Variants in LRP1B observed in about 807,000 individuals in gnomAD.
LRP1B encodes the protein LDL receptor related protein 1B.
In LRP1B, 217 loss-of-function variants were observed where a neutral mutation model predicts 556.6. The ratio of observed to expected loss-of-function variants is 0.39; its 90% confidence interval spans 0.35 to 0.44. The LOEUF (loss-of-function observed/expected upper bound fraction) is 0.44. Ranked by LOEUF, LRP1B falls within the 20% of genes least tolerant of loss-of-function variation. LRP1B has a pLI of 1.00. For synonymous variants in LRP1B, 2,047 were observed against 1,865.8 expected, an observed-to-expected ratio of 1.10 and a Z score of -2.50; for missense variants, 5,053 against 5,620.8, an observed-to-expected ratio of 0.90 and a Z score of 3.23.
At chr2:141,133,069 A>T (rs990877870) in intron 7 of LRP1B, among the ~76,000 whole-genome samples, 1 of 151,990 alleles carries the variant, frequency 6.6e-6, no homozygotes, top group Non-Finnish European at 1.5e-5. Flanking sequence ...TGTTTTTGCT[A>T]TTGTTGCTTT....
At chr2:141,325,844 G>A (rs1687410138) in intron 3 of LRP1B, among the ~76,000 whole-genome samples, 1 of 152,036 alleles carries the variant, frequency 6.6e-6, no homozygotes, top group African/African-American at 2.4e-5. Flanking sequence ...AGCAAAGATT[G>A]AACAGATAAC....
chr2:140,461,298 C>A (rs1028543898), intron 60 of LRP1B, among the ~76,000 whole-genome samples: 13 of 151,998 alleles, frequency 8.6e-5, no homozygotes, highest in Non-Finnish European at 1.9e-4. Context: ...ACGAATGCCC[C>A]AGTTACACCG....
At chr2:141,724,898 A>G (rs1440007765) in intron 2 of LRP1B, among the ~76,000 whole-genome samples, 1 of 152,022 alleles carries the variant, frequency 6.6e-6, no homozygotes, top group African/African-American at 2.4e-5. Flanking sequence ...AAGTTACATT[A>G]AAATCTAAAA....
chr2:140,307,445 A>C (rs1684115889), intron 83 of LRP1B, among the ~76,000 whole-genome samples: 1 of 151,870 alleles, frequency 6.6e-6, no homozygotes, highest in Admixed American at 6.6e-5. Context: ...TGCCCTTGCT[A>C]AGAAGCTTCA....
intron 48 of LRP1B, 21 bp downstream of exon 48, chr2:140,526,216 A>G (rs1690427322): frequency 1.3e-6 from 2 of 1,599,394 alleles, no homozygotes; most frequent in South Asian, 1.1e-5. Context: ...TAAACAGACA[A>G]AAGGTAGTGG....
intron 35 of LRP1B, among the ~76,000 whole-genome samples, chr2:140,730,793 G>T (rs190156902): frequency 6.6e-6 from 1 of 152,066 alleles, no homozygotes; most frequent in Non-Finnish European, 1.5e-5. Flanking sequence ...TCCTGACCTC[G>T]TGATCCGCCT....
At chr2:140,244,550 C>T (rs1209748540) in intron 87 of LRP1B, among the ~76,000 whole-genome samples, 1 of 151,194 alleles carries the variant, frequency 6.6e-6, no homozygotes, top group African/African-American at 2.4e-5. Flanking sequence ...GTTTAAAACT[C>T]TTCAAAATAT....
At chr2:142,105,213 T>C (rs765814449) in intron 1 of LRP1B, among the ~76,000 whole-genome samples, 5 of 152,190 alleles carry the variant, frequency 3.3e-5, no homozygotes, top group South Asian at 4.1e-4. Flanking sequence ...CCAAGGAACG[T>C]TTCATTTTAT....
At chr2:141,555,935 G>A (rs1474185435) in intron 2 of LRP1B, among the ~76,000 whole-genome samples, 2 of 151,540 alleles carry the variant, frequency 1.3e-5, no homozygotes, top group Admixed American at 6.6e-5. Flanking sequence ...ATTTCTGCAG[G>A]GTTTTGTTTT....
intron 2 of LRP1B, among the ~76,000 whole-genome samples, chr2:141,683,526 T>C (rs1490822939): frequency 6.6e-6 from 1 of 152,138 alleles, no homozygotes; most frequent in Admixed American, 6.6e-5. Context: ...TTGTGCCCTA[T>C]GGTTATAAGC....
chr2:140,622,685 G>C (rs1574154175), intron 41 of LRP1B, among the ~76,000 whole-genome samples: 1 of 152,078 alleles, frequency 6.6e-6, no homozygotes, highest in Non-Finnish European at 1.5e-5. Flanking sequence ...AAATCATTCG[G>C]AACAGAAAGA....
chr2:142,031,756 T>A lies in LRP1B; in HGVS notation c.82+98892A>T, dbSNP rs959168318. On this transcript the variant is annotated intron_variant, in intron 1 of 90. Coordinates refer to ENST00000389484, the MANE Select transcript of LRP1B (RefSeq NM_018557.3). ...AGTTTGAATTGTGCCCCTGATTTTATGTGTTGAAATGCTAATCCCCAGTCT... is the reference window on the plus strand; with the variant it reads ...AGTTTGAATTGTGCCCCTGATTTTAAGTGTTGAAATGCTAATCCCCAGTCT... Among the ~76,000 whole-genome samples the A allele has an allele frequency of 5.7e-4, 86 of 151,772 alleles. 1 individual carries two copies. Among genetic ancestry groups the A allele is most frequent in the Non-Finnish European group, 1.0e-3 (69 of 67,866 alleles).
At chr2:140,462,289 C>T (rs1370998505) in intron 60 of LRP1B, among the ~76,000 whole-genome samples, 2 of 152,118 alleles carry the variant, frequency 1.3e-5, no homozygotes, top group Non-Finnish European at 2.9e-5. Context: ...TTAATCCCTT[C>T]CAATCTCTTT....
At chr2:141,761,456 T>C (rs1694544422) in intron 2 of LRP1B, among the ~76,000 whole-genome samples, 1 of 151,268 alleles carries the variant, frequency 6.6e-6, no homozygotes, top group Non-Finnish European at 1.5e-5. Flanking sequence ...ATTTGAAAAA[T>C]AACACAAATA....
At chr2:141,842,967 C>A (rs1697527031) in intron 1 of LRP1B, among the ~76,000 whole-genome samples, 1 of 152,108 alleles carries the variant, frequency 6.6e-6, no homozygotes. Flanking sequence ...TAATGAAAAT[C>A]ATTTAAAAAA....
At chr2:141,757,851 T>C (rs1309166066) in intron 2 of LRP1B, among the ~76,000 whole-genome samples, 1 of 152,200 alleles carries the variant, frequency 6.6e-6, no homozygotes, top group Non-Finnish European at 1.5e-5. Context: ...TAACTAATTC[T>C]AACTCAGTTT....
chr2:140,722,313 A>C (rs1687431111), intron 35 of LRP1B, among the ~76,000 whole-genome samples: 1 of 152,232 alleles, frequency 6.6e-6, no homozygotes, highest in Non-Finnish European at 1.5e-5. Flanking sequence ...ATGTCTTAGA[A>C]GAGACATACA....
intron 7 of LRP1B, among the ~76,000 whole-genome samples, chr2:141,084,871 G>A (rs937249486): frequency 7.2e-5 from 11 of 151,934 alleles, no homozygotes; most frequent in Admixed American, 3.9e-4. Flanking sequence ...GGATGGTCTC[G>A]ATCTCCTGAC....
At chr2:141,074,583 C>CTATATA (rs759255104) in intron 7 of LRP1B, among the ~76,000 whole-genome samples, 1 of 97,248 alleles carries the variant, frequency 1.0e-5, no homozygotes, top group African/African-American at 3.6e-5. Context: ...CTCTCTCTCT[C>CTATATA]TCTCTCTATA....
Sources: allele counts gnomAD v4.1 joint callset (sites outside exome capture counted in the v4.1 genomes callset), GRCh38; gene constraint gnomAD v4.1.1; transcripts MANE v1.5; gene names NCBI Gene and HGNC (gene_info 2026-07-23, HGNC 2026-07-21).